The following EPHA4 variants were observed in gnomAD, a reference collection of about 807,000 sequenced individuals.
EPHA4 encodes the protein ephrin type-A receptor 4.
In EPHA4, 19 loss-of-function variants were observed where a neutral mutation model predicts 108.3. That is an observed-to-expected ratio of 0.18 (90% CI 0.12 to 0.26). The LOEUF (loss-of-function observed/expected upper bound fraction) is 0.26. Among genes scored for constraint, EPHA4 ranks in the 10% least tolerant of loss-of-function variants. The pLI is 1.00. For synonymous variants in EPHA4, 449 were observed against 455.5 expected (o/e 0.99, Z 0.18); for missense variants, 917 against 1,254.0 (o/e 0.73, Z 4.06).
chr2:221,423,853 C>T (rs112823872), intron 17 of EPHA4, among the ~76,000 whole-genome samples: 3 of 151,946 alleles, frequency 2.0e-5, no homozygotes, highest in Non-Finnish European at 1.5e-5. Flanking sequence ...CAGTGACCGA[C>T]GCCTGTAATC....
intron 3 of EPHA4, among the ~76,000 whole-genome samples, chr2:221,546,414 A>G (rs1052250196): frequency 5.3e-5 from 8 of 152,146 alleles, no homozygotes; most frequent in Non-Finnish European, 8.8e-5. Flanking sequence ...TTAAAGCACC[A>G]GTCTTTAATA....
At chr2:221,464,855 CA>C (rs1208925226) in intron 5 of EPHA4, among the ~76,000 whole-genome samples, 4 of 152,042 alleles carry the variant, frequency 2.6e-5, no homozygotes, top group Non-Finnish European at 5.9e-5. Flanking sequence ...AACAAACCGG[CA>C]AAAGGTACAG....
chr2:221,483,880 G>A (rs1691903604), intron 4 of EPHA4, among the ~76,000 whole-genome samples: 1 of 152,098 alleles, frequency 6.6e-6, no homozygotes, highest in African/African-American at 2.4e-5. Context: ...AAGGGAGAGG[G>A]AATTTTCTTG....
intron 5 of EPHA4, among the ~76,000 whole-genome samples, chr2:221,475,459 T>C (rs1270598143): frequency 2.0e-5 from 3 of 152,230 alleles, no homozygotes; most frequent in Non-Finnish European, 4.4e-5. Context: ...ACCCATCACA[T>C]CCTTTGCCAA....
At chr2:221,546,521 TATTA>T (rs993685360) in intron 3 of EPHA4, among the ~76,000 whole-genome samples, 23 of 152,024 alleles carry the variant, frequency 1.5e-4, no homozygotes, top group Non-Finnish European at 3.2e-4. Context: ...TTATATATTT[TATTA>T]ATTTAAGCCT....
chr2:221,454,790 T>G (rs749801777), intron 8 of EPHA4, among the ~76,000 whole-genome samples: 1 of 152,192 alleles, frequency 6.6e-6, no homozygotes, highest in Admixed American at 6.5e-5. Context: ...CTGTTGTTAT[T>G]TCTCTCTCCT....
At chr2:221,491,472 C>A (rs1256759230) in intron 4 of EPHA4, among the ~76,000 whole-genome samples, 1 of 152,124 alleles carries the variant, frequency 6.6e-6, no homozygotes, top group African/African-American at 2.4e-5. Context: ...TGATCAGAAA[C>A]CCTGACTCCA....
At chr2:221,481,233 C>G (rs904901285) in intron 5 of EPHA4, among the ~76,000 whole-genome samples, 1 of 152,152 alleles carries the variant, frequency 6.6e-6, no homozygotes, top group Admixed American at 6.5e-5. Flanking sequence ...GCGATTAACT[C>G]AGTAGAAACA....
At chr2:221,491,621 T>C (rs895989868) in intron 4 of EPHA4, among the ~76,000 whole-genome samples, 1 of 152,154 alleles carries the variant, frequency 6.6e-6, no homozygotes, top group African/African-American at 2.4e-5. Context: ...CAATTTCACC[T>C]CACTTCCCTG....
At chr2:221,552,651 T>G (rs1271527425) in intron 3 of EPHA4, among the ~76,000 whole-genome samples, 1 of 152,220 alleles carries the variant, frequency 6.6e-6, no homozygotes. Flanking sequence ...AAAGTGGAGA[T>G]GTCTTTTTTA....
chr2:221,550,182 A>G (rs977340459), intron 3 of EPHA4, among the ~76,000 whole-genome samples: 2 of 152,194 alleles, frequency 1.3e-5, no homozygotes, highest in African/African-American at 4.8e-5. Context: ...ACAAGGTCTG[A>G]GAGATAGTTT....
In EPHA4 at chr2:221,455,567, T is replaced by G; in HGVS notation, c.1695A>C (p.Ala565=). 1 of 1,613,792 alleles carries G rather than the reference T, an allele frequency of 6.2e-7. No homozygotes were observed. Among genetic ancestry groups the G allele is most frequent in the Non-Finnish European group, 8.5e-7 (1 of 1,179,852 alleles). ...GSVVLVVILI[A]AFVISRRRSK... is the part of the protein sequence containing the mutation. ...CTTACCTCCGGCTGATGACAAAAGC[T>G]GCAATGAGAATTACCACCAGCACCA... The change falls in exon 8 of 18, where the codon GCA becomes GCC. Residue 565 remains alanine (A), a synonymous_variant. Coordinates refer to ENST00000281821, the MANE Select transcript of EPHA4 (RefSeq NM_004438.5).
At chr2:221,438,746 C>T (rs1690324645) in intron 11 of EPHA4, among the ~76,000 whole-genome samples, 1 of 152,064 alleles carries the variant, frequency 6.6e-6, no homozygotes, top group Non-Finnish European at 1.5e-5. Context: ...GATCATGCCA[C>T]TGCACTGAAG....
intron 8 of EPHA4, among the ~76,000 whole-genome samples, chr2:221,454,834 G>A (rs914188430): frequency 6.6e-6 from 1 of 152,158 alleles, no homozygotes; most frequent in African/African-American, 2.4e-5. Flanking sequence ...AAGTCAGATT[G>A]TAAGTACTTA....
intron 3 of EPHA4, among the ~76,000 whole-genome samples, chr2:221,546,314 G>C (rs762081416): frequency 2.3e-4 from 35 of 152,174 alleles, no homozygotes; most frequent in Non-Finnish European, 3.7e-4. Flanking sequence ...AAGATACACA[G>C]ATGCAACTTT....
intron 3 of EPHA4, among the ~76,000 whole-genome samples, chr2:221,502,265 T>G: frequency 6.6e-6 from 1 of 152,212 alleles, no homozygotes; most frequent in South Asian, 2.1e-4. Flanking sequence ...CAGATAAAAA[T>G]TGACCAACAC....
chr2:221,548,341 C>T (rs1281011869), intron 3 of EPHA4, among the ~76,000 whole-genome samples: 3 of 150,948 alleles, frequency 2.0e-5, no homozygotes, highest in Non-Finnish European at 2.9e-5. Context: ...TCCAGCCTGG[C>T]GACAGAGCGA....
At chr2:221,517,554 G>A (rs1390868621) in intron 3 of EPHA4, among the ~76,000 whole-genome samples, 3 of 152,160 alleles carry the variant, frequency 2.0e-5, no homozygotes, top group East Asian at 3.9e-4. Context: ...CTGGACCAGG[G>A]TGGAGGAGGG....
Position 221,426,089 on chromosome 2 carries a change from C to A in EPHA4, c.2900G>T (p.Ser967Ile). ...TTGGGTTCGCATTGCCTGGACACTGCTCAAAATCTTATTCTGGTGCGTGAT... is the reference window on the plus strand; with the variant it reads ...TTGGGTTCGCATTGCCTGGACACTGATCAAAATCTTATTCTGGTGCGTGAT... ...TAITHQNKIL[S>I]SVQAMRTQMQ... The change falls in exon 17 of 18, where the codon AGC (serine) becomes ATC (isoleucine). Residue 967 changes from serine to isoleucine, a missense_variant. Physicochemically the swap from Ser to Ile is moderately radical, Grantham distance 142. Transcript: ENST00000281821. 6.2e-7 allele frequency: 1 copy of A among 1,614,108 alleles called. No individual in the cohort carries two copies. The highest frequency in any genetic ancestry group is 8.5e-7 in the Non-Finnish European group (1 of 1,180,016).
Sources: allele counts gnomAD v4.1 joint callset (sites outside exome capture counted in the v4.1 genomes callset), GRCh38; gene constraint gnomAD v4.1.1; transcripts MANE v1.5; gene names NCBI Gene and HGNC (gene_info 2026-07-23, HGNC 2026-07-21).